Variants in GFRA1 observed in about 807,000 individuals in gnomAD.
The protein encoded by GFRA1 is GDNF family receptor alpha 1.
A neutral mutation model predicts 51.6 loss-of-function variants in GFRA1; 16 were observed. That is an observed-to-expected ratio of 0.31 (90% CI 0.21 to 0.47). The LOEUF is 0.47. Among genes scored for constraint, GFRA1 ranks in the 20% least tolerant of loss-of-function variants. GFRA1 has a pLI of 1.00. For missense variants in GFRA1, 530 were observed against 594.3 expected, an observed-to-expected ratio of 0.89 and a Z score of 1.13; for synonymous variants, 270 against 241.3, an observed-to-expected ratio of 1.12 and a Z score of -1.10.
chr10:116,181,171 T>C lies in GFRA1; in HGVS notation c.433+30460A>G, dbSNP rs145443475. ...TATAGGTATAATAAGGTGCTTGTGA[T>C]ATTACTTTCTGCTCTGGTGTGTGGG... On this transcript the variant is annotated intron_variant, in intron 5 of 10. Transcript: ENST00000355422. Among the ~76,000 whole-genome samples the C allele has an allele frequency of 7.9e-5, 12 of 152,338 alleles. No homozygotes were observed. The East Asian group carries it at 2.3e-3, about 29-fold the overall frequency.
chr10:116,086,166 T>C (rs187978841), intron 9 of GFRA1, among the ~76,000 whole-genome samples: 1 of 152,164 alleles, frequency 6.6e-6, no homozygotes, highest in African/African-American at 2.4e-5. Context: ...GGGGCTGCTG[T>C]GAGGAGTGCA....
intron 3 of GFRA1, among the ~76,000 whole-genome samples, chr10:116,270,125 G>A (rs980670343): frequency 2.6e-5 from 4 of 152,162 alleles, no homozygotes; most frequent in Admixed American, 2.6e-4. Flanking sequence ...GAACACACAA[G>A]ATGTTTGCGT....
At chr10:116,270,329 G>A (rs1017874180) in intron 3 of GFRA1, among the ~76,000 whole-genome samples, 1 of 152,190 alleles carries the variant, frequency 6.6e-6, no homozygotes, top group Non-Finnish European at 1.5e-5. Flanking sequence ...CTTTGATCAC[G>A]TTAGGTGGGG....
In GFRA1 at chr10:116,236,254, C is replaced by G. The variant is rs145962128; in HGVS notation, c.419-24609G>C. Among the ~76,000 whole-genome samples, 231 of 152,256 alleles carry G rather than the reference C, an allele frequency of 1.5e-3. 1 individual carries two copies. The highest frequency in any genetic ancestry group is 5.4e-3 in the African/African-American group (225 of 41,558). ...CCTTCCATGCCTCGCCAGCTTTGCT[C>G]TGCCCAAATCACTTCCTATAGGCCC... On this transcript the variant is annotated intron_variant, in intron 4 of 10. Transcript: ENST00000355422.
chr10:116,090,006 T>C (rs1029914351), intron 8 of GFRA1, 84 bp from the exon 9 acceptor site: 1 of 1,251,848 alleles, frequency 8.0e-7, no homozygotes, highest in Non-Finnish European at 1.1e-6. Context: ...AGAGGCACAC[T>C]AGAAATTCTG....
intron 6 of GFRA1, among the ~76,000 whole-genome samples, chr10:116,119,919 G>A (rs139441087): frequency 6.6e-6 from 1 of 152,378 alleles, no homozygotes; most frequent in African/African-American, 2.4e-5. Flanking sequence ...GTCACCCCCA[G>A]TGTGGCAAAT....
intron 4 of GFRA1, among the ~76,000 whole-genome samples, chr10:116,220,274 A>C (rs963619289): frequency 1.3e-5 from 2 of 152,188 alleles, no homozygotes; most frequent in Non-Finnish European, 2.9e-5. Flanking sequence ...TTTTGAATCA[A>C]GTTTTAATCC....
chr10:116,079,238 C>T (rs1027817375), intron 9 of GFRA1, among the ~76,000 whole-genome samples: 1 of 152,040 alleles, frequency 6.6e-6, no homozygotes, highest in Admixed American at 6.6e-5. Flanking sequence ...CTTGAACTTT[C>T]CAGCCTCCAG....
At chr10:116,238,658 A>G (rs575951433) in intron 4 of GFRA1, among the ~76,000 whole-genome samples, 8 of 152,362 alleles carry the variant, frequency 5.3e-5, no homozygotes, top group South Asian at 4.1e-4. Context: ...AATCCGCTCA[A>G]TGAAGGAATA....
chr10:116,180,996 C>T (rs1436985171), intron 5 of GFRA1, among the ~76,000 whole-genome samples: 1 of 152,118 alleles, frequency 6.6e-6, no homozygotes, highest in Non-Finnish European at 1.5e-5. Flanking sequence ...TAAATCACCC[C>T]ATGAAGTTAC....
chr10:116,071,365 T>C (rs1955384469), intron 9 of GFRA1, among the ~76,000 whole-genome samples: 1 of 152,172 alleles, frequency 6.6e-6, no homozygotes, highest in Admixed American at 6.5e-5. Context: ...TCAGCACAGG[T>C]TTCAGAAAGG....
intron 5 of GFRA1, among the ~76,000 whole-genome samples, chr10:116,203,791 G>A (rs548615467): frequency 2.6e-5 from 4 of 152,320 alleles, no homozygotes; most frequent in Admixed American, 2.6e-4. Flanking sequence ...AATTAGGGAA[G>A]GTACAGAGGG....
At chr10:116,124,511 G>A (rs183595103) in intron 6 of GFRA1, among the ~76,000 whole-genome samples, 77 of 152,288 alleles carry the variant, frequency 5.1e-4, no homozygotes, top group African/African-American at 1.6e-3. Context: ...GATTTCAGGC[G>A]TGAGCCACCA....
At chr10:116,235,009 A>G (rs997160704) in intron 4 of GFRA1, among the ~76,000 whole-genome samples, 1 of 152,132 alleles carries the variant, frequency 6.6e-6, no homozygotes, top group African/African-American at 2.4e-5. Context: ...CCCTTCTGTC[A>G]TGATTGTAAG....
intron 5 of GFRA1, among the ~76,000 whole-genome samples, chr10:116,148,264 A>G (rs1337861142): frequency 6.6e-6 from 1 of 152,096 alleles, no homozygotes; most frequent in Admixed American, 6.5e-5. Context: ...CCAATATTCT[A>G]ATTTAAAGGT....
chr10:116,266,543 G>C (rs527640493), intron 4 of GFRA1, among the ~76,000 whole-genome samples: 1 of 152,298 alleles, frequency 6.6e-6, no homozygotes, highest in African/African-American at 2.4e-5. Context: ...AATCACATTA[G>C]TGCTGGAACC....
chr10:116,155,527 A>G (rs1959183274), intron 5 of GFRA1, among the ~76,000 whole-genome samples: 2 of 152,220 alleles, frequency 1.3e-5, no homozygotes, highest in African/African-American at 4.8e-5. Context: ...GAACAGATAC[A>G]TATTAATGGA....
chr10:116,109,568 C>T (rs1011154952), intron 6 of GFRA1, among the ~76,000 whole-genome samples: 8 of 152,216 alleles, frequency 5.3e-5, no homozygotes, highest in Non-Finnish European at 8.8e-5. Context: ...ACCCCTTCCC[C>T]GGGCTGTGTT....
At chr10:116,191,751 G>A (rs1359994175) in intron 5 of GFRA1, among the ~76,000 whole-genome samples, 1 of 152,244 alleles carries the variant, frequency 6.6e-6, no homozygotes, top group Admixed American at 6.5e-5. Context: ...AGGTGGCTGG[G>A]CGCAGTGGCT....
Sources: gnomAD v4.1 joint callset for allele counts (sites outside exome capture counted in the v4.1 genomes callset) on GRCh38, gnomAD v4.1.1 for gene constraint, MANE v1.5 for transcripts, NCBI Gene and HGNC (gene_info 2026-07-23, HGNC 2026-07-21) for gene names.